Variants in HSPG2 observed in about 807,000 individuals in gnomAD.
HSPG2 encodes the protein heparan sulfate proteoglycan 2, also known as basement membrane-specific heparan sulfate proteoglycan core protein.
HSPG2 carries 278 observed loss-of-function variants against 526.6 expected under a neutral mutation model. That is an observed-to-expected ratio of 0.53 (90% CI 0.48 to 0.58). The LOEUF (loss-of-function observed/expected upper bound fraction) is 0.58. HSPG2 is among the 20% of genes least tolerant of loss of function. The pLI is 0.00. For synonymous variants in HSPG2, 2,465 were observed against 2,555.4 expected (o/e 0.96, Z 1.07); for missense variants, 5,354 against 6,099.5 (o/e 0.88, Z 4.07).
At chr1:21,868,965 A>T in intron 33 of HSPG2, 1 of 969,188 alleles carries the variant, frequency 1.0e-6, no homozygotes, top group Non-Finnish European at 1.2e-6. Context: ...TAGGAGAGAG[A>T]GAACTAGGAG....
Position 21,887,481 on chromosome 1 carries a change from G to A in HSPG2, c.897C>T (p.Pro299=). The change falls in exon 8 of 97, where the codon CCC becomes CCT. Residue 299 remains proline, a synonymous_variant. Coordinates refer to ENST00000374695, the MANE Select transcript of HSPG2 (RefSeq NM_005529.7). This position sits in a 1 kb window ranked among gnomAD's most constrained non-coding sequence, Gnocchi z 5.0. ...CCTGTCCGTCGCAGAGGTAGTCTCT[G>A]GGGATGCAGTGCCCATTGCGGCATG... The part of the protein sequence containing the change: ...EAACRNGHCI[P]RDYLCDGQED... 1 of 1,614,096 alleles carries A rather than the reference G, an allele frequency of 6.2e-7. No individual in the cohort carries two copies. Among genetic ancestry groups the A allele is most frequent in the Non-Finnish European group, 8.5e-7 (1 of 1,180,010 alleles).
rs1386116524 is a variant in HSPG2, at chr1:21,878,214, C to A, written c.2657G>T (p.Gly886Val). ...ACAGCGGCAGGCCTCCCCGGAGGTC[C>A]CCATGCTGCCACGCTCGTCACAGCG... ...IVRCDERGSM[G>V]TSGEACRCKN... The change falls in exon 21 of 97, where the codon GGG becomes GTG. Residue 886 changes from glycine (G) to valine (V), a missense_variant. Coordinates refer to ENST00000374695, the MANE Select transcript of HSPG2 (RefSeq NM_005529.7). 6.2e-7 allele frequency: 1 copy of A among 1,613,652 alleles called. No homozygotes were observed.
intron 1 of HSPG2, among the ~76,000 whole-genome samples, chr1:21,924,712 T>A (rs529269329): frequency 2.0e-5 from 3 of 152,080 alleles, no homozygotes; most frequent in East Asian, 3.9e-4. Flanking sequence ...CTTGGGGACT[T>A]CCTCTTATTC....
rs2454294 is a variant in HSPG2 at position 21,878,915 on chromosome 1, T to C, written c.2471+79A>G. On this transcript the variant is annotated intron_variant, in intron 18 of 96. Coordinates refer to ENST00000374695, the MANE Select transcript of HSPG2 (RefSeq NM_005529.7). Reference sequence around the variant, plus strand: ...GGTAGAGATCTGAATCCAAGTCTCCTGCCTCCCTGCCCAGAATATTCTCTG... The same window carrying C: ...GGTAGAGATCTGAATCCAAGTCTCCCGCCTCCCTGCCCAGAATATTCTCTG... The C allele has an allele frequency of 1, 1,523,068 of 1,529,730 alleles. 758,435 individuals carry two copies. The highest frequency in any genetic ancestry group is 1 in the East Asian group (42,584 of 42,586). The allele number at this position is 1,529,730 out of a possible 1,614,324, so 94.8% of individuals were successfully genotyped here. A position where few individuals can be genotyped will look rare whatever the true frequency, so the allele number is the denominator to read the frequency against.
chr1:21,852,018 C>T (rs1638944802), intron 53 of HSPG2, 70 bp downstream of exon 53: 3 of 1,611,372 alleles, frequency 1.9e-6, no homozygotes, highest in South Asian at 2.2e-5. Context: ...GTGCCAGCCC[C>T]TCAGCCTAGG....
intron 50 of HSPG2, chr1:21,853,579 TAA>T: frequency 6.0e-6 from 1 of 167,354 alleles, no homozygotes; most frequent in Non-Finnish European, 1.3e-5. Flanking sequence ...CCGTCTCTAC[TAA>T]AAAAAATACA....
At position 21,847,557 on chromosome 1, in the gene HSPG2, T is replaced by C. The variant is rs1638539863; in HGVS notation, c.8026-65A>G. On this transcript the variant is annotated intron_variant, in intron 61 of 96. Coordinates refer to ENST00000374695, the MANE Select transcript of HSPG2 (RefSeq NM_005529.7). This position sits in a 1 kb window ranked among gnomAD's most constrained non-coding sequence, Gnocchi z 4.1. ...AGGGACGCTGGGGTCACCAGCTGGC[T>C]CAGGCCTTCCTGCTCAGCCTGTTGA... 2 of 1,608,738 alleles carry C rather than the reference T, an allele frequency of 1.2e-6. No individual in the cohort carries two copies. The highest frequency in any genetic ancestry group is 1.7e-6 in the Non-Finnish European group (2 of 1,176,526).
chr1:21,850,551 A>G (rs998954366), intron 55 of HSPG2, 53 bp from the exon 56 acceptor site: 2 of 1,521,510 alleles, frequency 1.3e-6, no homozygotes, highest in East Asian at 4.8e-5. Flanking sequence ...CCCTGTTCCT[A>G]TAACCTGCAA....
chr1:21,855,064 GA>G, intron 47 of HSPG2, 81 bp from the exon 48 acceptor site: 1 of 1,556,120 alleles, frequency 6.4e-7, no homozygotes, highest in African/African-American at 1.3e-5. Flanking sequence ...GCATAAAAGG[GA>G]GAGGCAGGTG....
intron 76 of HSPG2, 183 bp downstream of exon 76, chr1:21,835,357 C>T (rs1440774755): frequency 4.7e-6 from 3 of 638,870 alleles, no homozygotes; most frequent in Non-Finnish European, 8.5e-6. Flanking sequence ...TCTTCCCTCC[C>T]TTGAAATATG....
intron 1 of HSPG2, 56 bp from the exon 2 acceptor site, chr1:21,896,366 C>T (rs1467744580): frequency 4.1e-5 from 66 of 1,599,994 alleles, no homozygotes; most frequent in Non-Finnish European, 4.9e-5. Context: ...CTGAGCCCCA[C>T]GGTCCTTCCC....
chr1:21,834,942 A>T lies in HSPG2; in HGVS notation c.10457T>A (p.Leu3486Gln). ...CCGGATGTTGATGAGCACCGAGGGC[A>T]GGGCTGGGGAGGAGGGAGGCAGAGG... ...QASAQLVIQA[L>Q]PSVLINIRTS... Residue 3486 changes from leucine to glutamine, a missense_variant, in exon 77 of 97, where the codon CTG (leucine) becomes CAG (glutamine). Physicochemically the swap from Leu to Gln is moderately radical, Grantham distance 113. Transcript: ENST00000374695. 1 of 1,611,664 alleles carries T rather than the reference A, an allele frequency of 6.2e-7. No individual in the cohort carries two copies. Among genetic ancestry groups the T allele is most frequent in the Non-Finnish European group, 8.5e-7 (1 of 1,180,000 alleles).
intron 1 of HSPG2, among the ~76,000 whole-genome samples, chr1:21,905,171 CCACACACACACA>C (rs759299090): frequency 1.2e-5 from 1 of 81,886 alleles, no homozygotes; most frequent in East Asian, 3.5e-4. Context: ...CACCACCCAC[CCACACACACACA>C]CACACACACA....
Position 21,839,039 on chromosome 1 carries a change from T to C in HSPG2, c.9936A>G (p.Ala3312=). ...TTVPEHASVQ[A]GETVQLQCLA... ...GGCACTGGAGCTGCACCGTCTCCCC[T>C]GCCTGCACCGAAGCGTGCTCTGGGA... is the stretch of plus-strand genomic sequence containing the variant. Residue 3312 remains alanine (A), a synonymous_variant, in exon 74 of 97, where the codon GCA becomes GCG. Transcript: ENST00000374695. This position sits in a 1 kb window ranked among gnomAD's most constrained non-coding sequence, Gnocchi z 4.5. 1 of 1,599,772 alleles carries C rather than the reference T, an allele frequency of 6.3e-7. No individual in the cohort carries two copies. Among genetic ancestry groups the C allele is most frequent in the Non-Finnish European group, 8.6e-7 (1 of 1,168,772 alleles).
chr1:21,874,440 G>A lies in HSPG2; in HGVS notation c.3622C>T (p.Leu1208=), dbSNP rs1353758560. 2.5e-6 allele frequency: 4 copies of A among 1,611,910 alleles called. No individual in the cohort carries two copies. The East Asian group carries it at 6.7e-5, about 27-fold the overall frequency. Residue 1208 remains leucine (L), a synonymous_variant, in exon 28 of 97, where the codon CTG becomes TTG. Coordinates refer to ENST00000374695, the MANE Select transcript of HSPG2 (RefSeq NM_005529.7). ...AQRGTPQDCQ[L]CPCYGDPAAG... ...GCAGGGTCTCCGTAGCAGGGGCACA[G>A]CTGGCAGTCCTGTGGTGTCCCCCGC...
intron 1 of HSPG2, among the ~76,000 whole-genome samples, chr1:21,932,330 C>T (rs1254121708): frequency 1.3e-5 from 2 of 152,186 alleles, no homozygotes; most frequent in African/African-American, 4.8e-5. Context: ...ACTTGGCTTG[C>T]AGCATCTCTG....
chr1:21,884,694 G>A lies in HSPG2; in HGVS notation c.1508-20C>T, dbSNP rs369075415. Reference sequence around the variant, plus strand: ...AGGGGCCTGCTGGGCGGCATGGGCGGGGGCTGCAGCCGGCTGTGGTGGGCA... The same window carrying A: ...AGGGGCCTGCTGGGCGGCATGGGCGAGGGCTGCAGCCGGCTGTGGTGGGCA... On this transcript the variant is annotated intron_variant, in intron 12 of 96. Coordinates refer to ENST00000374695, the MANE Select transcript of HSPG2 (RefSeq NM_005529.7). The A allele has an allele frequency of 6.2e-7, 1 of 1,610,730 alleles. No homozygotes were observed. Among genetic ancestry groups the A allele is most frequent in the Non-Finnish European group, 8.5e-7 (1 of 1,178,846 alleles).
chr1:21,887,337 A>C lies in HSPG2; in HGVS notation c.959-3T>G. On this transcript the variant is annotated splice_region_variant and splice_polypyrimidine_tract_variant and intron_variant, in intron 8 of 96. Coordinates refer to ENST00000374695, the MANE Select transcript of HSPG2 (RefSeq NM_005529.7). The surrounding 1 kb of genome is among the most constrained non-coding windows in gnomAD (Gnocchi z 5.0). Reference sequence around the variant, plus strand: ...GGGCTCACAGGGTGGCGGGGGGCCTAGGAGACCGGGCAGGGGTCAGCAGCA... The same window carrying C: ...GGGCTCACAGGGTGGCGGGGGGCCTCGGAGACCGGGCAGGGGTCAGCAGCA... 6.2e-7 allele frequency: 1 copy of C among 1,613,966 alleles called. No homozygotes were observed. Among genetic ancestry groups the C allele is most frequent in the Non-Finnish European group, 8.5e-7 (1 of 1,179,924 alleles).
At chr1:21,906,635 G>A (rs1318547499) in intron 1 of HSPG2, among the ~76,000 whole-genome samples, 6 of 151,970 alleles carry the variant, frequency 3.9e-5, no homozygotes, top group Middle Eastern at 3.4e-3. Flanking sequence ...GAATAGGCGC[G>A]GGGGAGACAA....
Sources: allele counts gnomAD v4.1 joint callset (sites outside exome capture counted in the v4.1 genomes callset), GRCh38; gene constraint gnomAD v4.1.1; non-coding constraint Gnocchi (gnomAD v3.1); transcripts MANE v1.5; gene names NCBI Gene and HGNC (gene_info 2026-07-23, HGNC 2026-07-21).